The following IGF2BP3 variants were observed in gnomAD, a reference collection of about 807,000 sequenced individuals.
IGF2BP3 encodes the protein insulin-like growth factor 2 mRNA-binding protein 3.
In IGF2BP3, 9 loss-of-function variants were observed where a neutral mutation model predicts 73.8. That is an observed-to-expected ratio of 0.12 (90% CI 0.07 to 0.21). The LOEUF (loss-of-function observed/expected upper bound fraction) is 0.21, where lower values mean the gene tolerates loss of function less well. Ranked by LOEUF, IGF2BP3 falls within the 10% of genes least tolerant of loss-of-function variation. The pLI is 1.00. For missense variants in IGF2BP3, 542 were observed against 714.0 expected (o/e 0.76, Z 2.75); for synonymous variants, 258 against 256.7 (o/e 1.01, Z -0.05).
In IGF2BP3 at chr7:23,347,606, A is replaced by T. The variant is rs768585874; in HGVS notation, c.812T>A (p.Ile271Lys). The change falls in exon 7 of 15, where the codon ATA (isoleucine) becomes AAA (lysine). Residue 271 changes from isoleucine to lysine, a missense_variant. By Grantham distance (102) the Ile-to-Lys change is moderately radical. Coordinates refer to ENST00000258729, the MANE Select transcript of IGF2BP3 (RefSeq NM_006547.3). ...LEIMHKEAQDIKFTEEIPLKI... is the reference protein window; with the variant it reads ...LEIMHKEAQDKKFTEEIPLKI... ...GACAATCTTCTTTACTCACAATTTT[A>T]TATCTTGAGCTTCCTTATGCATAAT... The T allele has an allele frequency of 1.2e-6, 2 of 1,613,298 alleles. No individual in the cohort carries two copies. The highest frequency in any genetic ancestry group is 1.3e-5 in the African/African-American group (1 of 75,000).
intron 2 of IGF2BP3, among the ~76,000 whole-genome samples, chr7:23,426,700 A>C (rs1161417355): frequency 2.0e-5 from 3 of 152,228 alleles, no homozygotes; most frequent in African/African-American, 7.2e-5. Context: ...CAAAGGCTCA[A>C]CTTGGTTTCT....
At chr7:23,340,789 C>T (rs1784688646) in intron 10 of IGF2BP3, among the ~76,000 whole-genome samples, 1 of 152,110 alleles carries the variant, frequency 6.6e-6, no homozygotes, top group South Asian at 2.1e-4. Context: ...CTATTTCTGA[C>T]CTCAAGGAAA....
At chr7:23,317,574 G>A (rs753579682) in intron 12 of IGF2BP3, 65 bp downstream of exon 12, 48 of 1,202,336 alleles carry the variant, frequency 4.0e-5, no homozygotes, top group Non-Finnish European at 5.8e-5. Flanking sequence ...TAAGGGAGAC[G>A]CCAGGTTATG....
chr7:23,398,662 A>G (rs1410287290), intron 3 of IGF2BP3, among the ~76,000 whole-genome samples: 2 of 152,202 alleles, frequency 1.3e-5, no homozygotes, highest in Non-Finnish European at 2.9e-5. Context: ...TCTGATGGCC[A>G]GTGATGATGA....
chr7:23,403,865 G>A (rs559093260), intron 3 of IGF2BP3, among the ~76,000 whole-genome samples: 1 of 152,072 alleles, frequency 6.6e-6, no homozygotes, highest in Admixed American at 6.5e-5. Flanking sequence ...ACTCACGACT[G>A]TAATCCCAAC....
intron 2 of IGF2BP3, among the ~76,000 whole-genome samples, chr7:23,465,073 C>T (rs1051623267): frequency 1.3e-5 from 2 of 152,162 alleles, no homozygotes; most frequent in African/African-American, 2.4e-5. Context: ...TCTCCCATGC[C>T]CAACAGCCCA....
At chr7:23,320,672 G>C (rs1330392407) in intron 10 of IGF2BP3, among the ~76,000 whole-genome samples, 2 of 146,152 alleles carry the variant, frequency 1.4e-5, no homozygotes, top group African/African-American at 5.0e-5. Flanking sequence ...AAAAAGCCAG[G>C]CACAGTAGTT....
chr7:23,321,276 G>C lies in IGF2BP3; in HGVS notation c.1204-2022C>G, dbSNP rs574216918. 2.0e-3 allele frequency among the ~76,000 whole-genome samples: 305 copies of C among 152,264 alleles called. 2 individuals are homozygous for C. The highest frequency in any genetic ancestry group is 7.2e-3 in the African/African-American group (298 of 41,592). On this transcript the variant is annotated intron_variant, in intron 10 of 14. Transcript: ENST00000258729. Reference sequence around the variant, plus strand: ...CTCACTCGGGAAGCGCAAGGGGTCAGGGAGTTCCCTTTCCTAGTCAAAGAA... The same window carrying C: ...CTCACTCGGGAAGCGCAAGGGGTCACGGAGTTCCCTTTCCTAGTCAAAGAA...
chr7:23,424,975 C>T (rs35644262), intron 2 of IGF2BP3, among the ~76,000 whole-genome samples: 22,814 of 152,182 alleles, frequency 0.15, 1,784 homozygotes, highest in Non-Finnish European at 0.16. Flanking sequence ...CCAAGTCCCC[C>T]TTACGTAGCA....
chr7:23,454,397 T>C (rs900059599), intron 2 of IGF2BP3, among the ~76,000 whole-genome samples: 3 of 152,198 alleles, frequency 2.0e-5, no homozygotes, highest in African/African-American at 7.2e-5. Flanking sequence ...AACACTCCTA[T>C]GTCTCCGTAT....
rs1783828390 is a variant in IGF2BP3, at chr7:23,311,503, A to G, written c.*859T>C. The G allele has an allele frequency of 6.6e-6, 1 of 152,468 alleles. No individual in the cohort carries two copies. Among genetic ancestry groups the G allele is most frequent in the Non-Finnish European group, 1.5e-5 (1 of 68,034 alleles). The allele number at this position is 152,468 out of a possible 1,614,324, so 9.4% of individuals were successfully genotyped here. ...AGTACCGTCAAAAACTTTCCCAACT[A>G]TAAATGAAAGAATAAATGGTAGTGC... On this transcript the variant is annotated 3_prime_UTR_variant, in exon 15 of 15. Transcript: ENST00000258729.
At position 23,312,313 on chromosome 7, in the gene IGF2BP3, C is replaced by G. The variant is rs376352477; in HGVS notation, c.*49G>C. 25 of 1,327,342 alleles carry G rather than the reference C, an allele frequency of 1.9e-5. No homozygotes were observed. Among genetic ancestry groups the G allele is most frequent in the Non-Finnish European group, 2.7e-5 (25 of 922,062 alleles). The allele number at this position is 1,327,342 out of a possible 1,614,324, so 82.2% of individuals were successfully genotyped here. A position where few individuals can be genotyped will look rare whatever the true frequency, so the allele number is the denominator to read the frequency against. ...AGCGCCCATCTGTTGGTTAAGCAAT[C>G]TGTCTTTGGTTTGGCATCTGCCTCT... On this transcript the variant is annotated 3_prime_UTR_variant, in exon 15 of 15. Transcript: ENST00000258729.
At chr7:23,397,807 A>G (rs569007045) in intron 3 of IGF2BP3, among the ~76,000 whole-genome samples, 2 of 152,202 alleles carry the variant, frequency 1.3e-5, no homozygotes, top group East Asian at 3.9e-4. Flanking sequence ...AAATATATCT[A>G]CCTCCTAATG....
intron 3 of IGF2BP3, among the ~76,000 whole-genome samples, chr7:23,403,394 TCTC>T (rs1786729225): frequency 6.6e-6 from 1 of 152,220 alleles, no homozygotes; most frequent in African/African-American, 2.4e-5. Context: ...AATTTTTATG[TCTC>T]CTTTCTGGTA....
chr7:23,389,292 G>A (rs754459349), intron 3 of IGF2BP3, among the ~76,000 whole-genome samples: 7 of 151,606 alleles, frequency 4.6e-5, no homozygotes, highest in Non-Finnish European at 8.8e-5. Context: ...TCCTGAGTAG[G>A]TGGGATTACA....
chr7:23,381,940 A>G (rs1034211659), intron 3 of IGF2BP3, among the ~76,000 whole-genome samples: 1 of 152,190 alleles, frequency 6.6e-6, no homozygotes, highest in Admixed American at 6.5e-5. Flanking sequence ...GCAAAGATGT[A>G]ACATTTGCAC....
chr7:23,340,358 G>A (rs1784677548), intron 10 of IGF2BP3, among the ~76,000 whole-genome samples: 5 of 152,318 alleles, frequency 3.3e-5, no homozygotes, highest in South Asian at 4.1e-4. Context: ...ACACACGGCA[G>A]GAGGGCAACT....
At chr7:23,380,104 C>T (rs1440807533) in intron 3 of IGF2BP3, among the ~76,000 whole-genome samples, 2 of 151,528 alleles carry the variant, frequency 1.3e-5, no homozygotes, top group Non-Finnish European at 2.9e-5. Context: ...AAAAGAATAC[C>T]CACTGCACTG....
chr7:23,400,141 C>T (rs1450713415), intron 3 of IGF2BP3, among the ~76,000 whole-genome samples: 1 of 152,174 alleles, frequency 6.6e-6, no homozygotes, highest in Non-Finnish European at 1.5e-5. Context: ...TATCTTGTTT[C>T]TCCAGGATAG....
Sources: allele counts gnomAD v4.1 joint callset (sites outside exome capture counted in the v4.1 genomes callset), GRCh38; gene constraint gnomAD v4.1.1; transcripts MANE v1.5; gene names NCBI Gene and HGNC (gene_info 2026-07-23, HGNC 2026-07-21).